SKIC3: variants seen among roughly 807,000 people sequenced by gnomAD.
SKIC3 encodes the protein superkiller complex protein 3.
the SKIC3 span, among the ~76,000 whole-genome samples, chr5:95,490,739 C>T: frequency 6.6e-6 from 1 of 152,100 alleles, no homozygotes; most frequent in African/African-American, 2.4e-5. Context: ...ACCTCGTGAT[C>T]TGCCCATCTC....
chr5:95,541,837 T>C, the SKIC3 span: 1 of 1,612,594 alleles, frequency 6.2e-7, no homozygotes, highest in South Asian at 1.1e-5. Context: ...TCCAGGAGCT[T>C]TTGGTAAACA....
At chr5:95,482,332 A>G in the SKIC3 span, 1 of 914,114 alleles carries the variant, frequency 1.1e-6, no homozygotes, top group Non-Finnish European at 1.8e-6. Flanking sequence ...CTCTAACCAC[A>G]ATACCTTTTA....
chr5:95,476,451 G>T, the SKIC3 span, among the ~76,000 whole-genome samples: 1 of 152,098 alleles, frequency 6.6e-6, no homozygotes, highest in African/African-American at 2.4e-5. Flanking sequence ...TTTTATAAAT[G>T]TCTTATTTTA....
At chr5:95,490,885 T>C in the SKIC3 span, 97 of 1,613,502 alleles carry the variant, frequency 6.0e-5, no homozygotes, top group Non-Finnish European at 7.6e-5. Context: ...AAATCATGTA[T>C]AAAGATGCTT....
At chr5:95,515,006 G>A in the SKIC3 span, 2 of 1,323,072 alleles carry the variant, frequency 1.5e-6, no homozygotes, top group East Asian at 2.5e-5. Flanking sequence ...CATAAAATAA[G>A]TCAAACCTCT....
At chr5:95,468,081 T>C in the SKIC3 span, 5 of 1,523,886 alleles carry the variant, frequency 3.3e-6, no homozygotes. Context: ...ATCTTTCTCA[T>C]ATTTTTGCAG....
chr5:95,538,059 G>A, the SKIC3 span, among the ~76,000 whole-genome samples: 1 of 151,718 alleles, frequency 6.6e-6, no homozygotes, highest in South Asian at 2.1e-4. Flanking sequence ...CAGTATTCAA[G>A]GTAGGTAACA....
At chr5:95,482,438 A>C in the SKIC3 span, 2 of 1,605,560 alleles carry the variant, frequency 1.2e-6, no homozygotes, top group African/African-American at 1.3e-5. Flanking sequence ...GAAGTGTTTT[A>C]ATTGAGGACT....
At chr5:95,540,603 G>T in the SKIC3 span, 2 of 1,522,066 alleles carry the variant, frequency 1.3e-6, no homozygotes, top group South Asian at 1.1e-5. Flanking sequence ...AAATTAAAAT[G>T]ACAATGATCA....
chr5:95,537,210 T>C, the SKIC3 span: 1 of 1,333,734 alleles, frequency 7.5e-7, no homozygotes, highest in Non-Finnish European at 1.1e-6. Context: ...TATAAGACTC[T>C]CTTACACAAA....
chr5:95,539,910 T>C, the SKIC3 span, among the ~76,000 whole-genome samples: 1 of 151,428 alleles, frequency 6.6e-6, no homozygotes, highest in East Asian at 1.9e-4. Flanking sequence ...ACTAGGTATC[T>C]ACCCAGAGGA....
chr5:95,481,319 A>G, the SKIC3 span, among the ~76,000 whole-genome samples: 1 of 152,024 alleles, frequency 6.6e-6, no homozygotes, highest in African/African-American at 2.4e-5. Flanking sequence ...ACAAGATCTG[A>G]TAGTTTTAAA....
the SKIC3 span, among the ~76,000 whole-genome samples, chr5:95,516,036 T>A: frequency 2.6e-5 from 4 of 152,152 alleles, no homozygotes; most frequent in Non-Finnish European, 5.9e-5. Flanking sequence ...ACTATCTACA[T>A]AGGACTTCTC....
At chr5:95,474,341 G>A in the SKIC3 span, among the ~76,000 whole-genome samples, 6 of 152,164 alleles carry the variant, frequency 3.9e-5, no homozygotes, top group Non-Finnish European at 7.4e-5. Flanking sequence ...GTTTAGTTTC[G>A]TGGGATATGA....
At chr5:95,537,254 A>G in the SKIC3 span, 1 of 952,746 alleles carries the variant, frequency 1.0e-6, no homozygotes, top group South Asian at 1.5e-5. Flanking sequence ...TGTATTCTAC[A>G]GTCTAACCCT....
chr5:95,504,193 G>A, the SKIC3 span, among the ~76,000 whole-genome samples: 86 of 152,044 alleles, frequency 5.7e-4, no homozygotes, highest in South Asian at 3.5e-3. Flanking sequence ...AAAATTAGCC[G>A]GACGTGGTGG....
chr5:95,492,652 GAAAAAAAAAAAAAAAAAAAA>G, the SKIC3 span, among the ~76,000 whole-genome samples: 47 of 48,846 alleles, frequency 9.6e-4, no homozygotes, highest in Admixed American at 1.8e-3. Flanking sequence ...AAAAAAAAAA[GAAAAAAAAAAAAAAAAAAAA>G]AAAAAAAAAA....
chr5:95,514,998 T>C, the SKIC3 span: 72 of 1,429,524 alleles, frequency 5.0e-5, no homozygotes, highest in Non-Finnish European at 6.9e-5. Context: ...TTAAAAAGCA[T>C]AAAATAAGTC....
the SKIC3 span, chr5:95,543,222 CT>C: frequency 1.2e-6 from 2 of 1,614,014 alleles, no homozygotes; most frequent in African/African-American, 2.7e-5. Context: ...AATTCAGCAG[CT>C]TTTTTATAGG....
Sources: gnomAD v4.1 joint callset for allele counts (sites outside exome capture counted in the v4.1 genomes callset) on GRCh38, gnomAD v4.1.1 for gene constraint, MANE v1.5 for transcripts, NCBI Gene and HGNC (gene_info 2026-07-23, HGNC 2026-07-21) for gene names.